The following AKAP6 variants were observed in gnomAD, a reference collection of about 807,000 sequenced individuals.
The protein encoded by AKAP6 is A-kinase anchor protein 6.
A neutral mutation model predicts 188.5 loss-of-function variants in AKAP6; 58 were observed. The observed-to-expected ratio is 0.31, with a 90% CI of 0.25 to 0.38. The LOEUF (loss-of-function observed/expected upper bound fraction) is 0.38. Among genes scored for constraint, AKAP6 ranks in the 10% least tolerant of loss-of-function variants. AKAP6 has a pLI of 1.00. For missense variants in AKAP6, 2,710 were observed against 2,740.0 expected (o/e 0.99, Z 0.24); for synonymous variants, 989 against 998.6 (o/e 0.99, Z 0.18).
intron 2 of AKAP6, among the ~76,000 whole-genome samples, chr14:32,469,956 T>C (rs1878682368): frequency 6.6e-6 from 1 of 152,186 alleles, no homozygotes; most frequent in South Asian, 2.1e-4. Context: ...GTTGGGAAAT[T>C]ACTGATTTGC....
chr14:32,471,795 A>G (rs942078018), intron 2 of AKAP6, among the ~76,000 whole-genome samples: 5 of 152,102 alleles, frequency 3.3e-5, no homozygotes, highest in Admixed American at 3.3e-4. Context: ...CATTGCTTCT[A>G]GACTGGAGTT....
intron 2 of AKAP6, among the ~76,000 whole-genome samples, chr14:32,515,434 C>T (rs1008975379): frequency 4.6e-5 from 7 of 152,054 alleles, no homozygotes; most frequent in East Asian, 1.9e-4. Context: ...ACTTAGTACT[C>T]GTTCTACTAC....
rs776032296 is a variant in AKAP6, at chr14:32,546,945, G to A, written c.2292G>A (p.Leu764=). Reference sequence around the variant, plus strand: ...CTAAATCAGCTTTAATTCAGAAACTGATGCAAGATATTCAGCACCAAGACA... The same window carrying A: ...CTAAATCAGCTTTAATTCAGAAACTAATGCAAGATATTCAGCACCAAGACA... ...SATKSALIQK[L]MQDIQHQDNY... Residue 764 remains leucine (L), a synonymous_variant, in exon 4 of 14, where the codon CTG becomes CTA. Transcript: ENST00000280979. The A allele has an allele frequency of 6.2e-7, 1 of 1,610,700 alleles. No individual in the cohort carries two copies. The highest frequency in any genetic ancestry group is 2.2e-5 in the East Asian group (1 of 44,878).
intron 1 of AKAP6, among the ~76,000 whole-genome samples, chr14:32,424,390 C>T (rs1169535519): frequency 5.9e-5 from 9 of 151,936 alleles, no homozygotes; most frequent in East Asian, 1.9e-4. Context: ...TTGGTGTTGA[C>T]GTATCTTTAT....
intron 1 of AKAP6, among the ~76,000 whole-genome samples, chr14:32,375,299 C>T (rs970652168): frequency 1.3e-5 from 2 of 152,110 alleles, no homozygotes; most frequent in African/African-American, 4.8e-5. Flanking sequence ...TATGGAAGTA[C>T]ACTACAACAG....
At chr14:32,444,774 A>T (rs144513610) in intron 2 of AKAP6, among the ~76,000 whole-genome samples, 352 of 152,266 alleles carry the variant, frequency 2.3e-3, no homozygotes, top group African/African-American at 7.8e-3. Context: ...CTTTTCCAAA[A>T]ATGTAATTTC....
At chr14:32,551,945 C>T (rs1175982953) in intron 4 of AKAP6, among the ~76,000 whole-genome samples, 2 of 151,998 alleles carry the variant, frequency 1.3e-5, no homozygotes, top group Non-Finnish European at 2.9e-5. Context: ...GGATTATAGG[C>T]GTGAGCCACC....
intron 12 of AKAP6, among the ~76,000 whole-genome samples, chr14:32,776,937 T>A (rs1200800983): frequency 6.6e-6 from 1 of 151,752 alleles, no homozygotes. Flanking sequence ...TACAGAGGGA[T>A]GCTCTCAAGT....
chr14:32,493,822 A>C (rs1248626104), intron 2 of AKAP6, among the ~76,000 whole-genome samples: 1 of 152,184 alleles, frequency 6.6e-6, no homozygotes, highest in Non-Finnish European at 1.5e-5. Context: ...CTCTGCAGAG[A>C]TGACCCTGAC....
At chr14:32,427,786 T>C (rs529351448) in intron 1 of AKAP6, among the ~76,000 whole-genome samples, 2 of 152,310 alleles carry the variant, frequency 1.3e-5, no homozygotes, top group South Asian at 4.1e-4. Context: ...GAAGAGTGGT[T>C]ATAAAAATGT....
intron 8 of AKAP6, among the ~76,000 whole-genome samples, chr14:32,694,146 G>A (rs921987040): frequency 1.3e-5 from 2 of 151,486 alleles, no homozygotes; most frequent in Non-Finnish European, 2.9e-5. Flanking sequence ...CGGATCATGA[G>A]GTCAGGAGAT....
At chr14:32,756,582 A>G (rs752459732) in intron 11 of AKAP6, among the ~76,000 whole-genome samples, 1 of 151,832 alleles carries the variant, frequency 6.6e-6, no homozygotes. Context: ...ACCTGGGGCT[A>G]TGGATGCTGA....
chr14:32,555,525 T>C (rs1411330147), intron 4 of AKAP6, among the ~76,000 whole-genome samples: 1 of 152,204 alleles, frequency 6.6e-6, no homozygotes, highest in East Asian at 1.9e-4. Context: ...ATTTGCATGG[T>C]TGTAAAACAG....
rs367818079 is a variant in AKAP6 at position 32,546,111 on chromosome 14, C to T, written c.1458C>T (p.Asn486=). The T allele has an allele frequency of 1.3e-5, 21 of 1,614,064 alleles. No individual in the cohort carries two copies. The highest frequency in any genetic ancestry group is 1.7e-5 in the Non-Finnish European group (20 of 1,180,032). ...TTTCTTCCAGCCTGGGAAGGCTTAA[C>T]GACTGCTATAAAGAGAAATCTCGAC... ...KEISSSLGRL[N]DCYKEKSRLK... Residue 486 remains asparagine (N), a synonymous_variant, in exon 4 of 14, where the codon AAC becomes AAT. Coordinates refer to ENST00000280979, the MANE Select transcript of AKAP6 (RefSeq NM_004274.5).
intron 2 of AKAP6, among the ~76,000 whole-genome samples, chr14:32,509,874 T>C (rs1358255806): frequency 2.0e-5 from 3 of 152,150 alleles, no homozygotes; most frequent in African/African-American, 7.2e-5. Flanking sequence ...TGGTGTCTAT[T>C]TACGTTTGCC....
intron 9 of AKAP6, among the ~76,000 whole-genome samples, chr14:32,725,013 A>AAC (rs1566668846): frequency 1.3e-5 from 2 of 150,244 alleles, no homozygotes; most frequent in Non-Finnish European, 3.0e-5. Flanking sequence ...AAAAAAAAAA[A>AAC]AAAACAATTT....
chr14:32,337,476 C>T (rs1373146706), intron 1 of AKAP6, among the ~76,000 whole-genome samples: 1 of 152,038 alleles, frequency 6.6e-6, no homozygotes, highest in Non-Finnish European at 1.5e-5. Flanking sequence ...TATGATTCCT[C>T]TGAGAACAAA....
chr14:32,702,851 T>C (rs1289433923), intron 9 of AKAP6, among the ~76,000 whole-genome samples: 1 of 152,182 alleles, frequency 6.6e-6, no homozygotes, highest in Non-Finnish European at 1.5e-5. Context: ...TCACTGTCTT[T>C]GTCACCTTTT....
chr14:32,333,039 ATGG>A (rs368384288), intron 1 of AKAP6, among the ~76,000 whole-genome samples: 4 of 152,270 alleles, frequency 2.6e-5, no homozygotes, highest in African/African-American at 9.6e-5. Context: ...TGATTCCTGT[ATGG>A]TGAATACTTA....
Sources: allele counts gnomAD v4.1 joint callset (sites outside exome capture counted in the v4.1 genomes callset), GRCh38; gene constraint gnomAD v4.1.1; transcripts MANE v1.5; gene names NCBI Gene and HGNC (gene_info 2026-07-23, HGNC 2026-07-21).